The following SFT2D2 variants were observed in gnomAD, a reference collection of about 807,000 sequenced individuals.
The protein encoded by SFT2D2 is vesicle transport protein SFT2B.
In SFT2D2, 21 loss-of-function variants were observed where a neutral mutation model predicts 27.4. That is an observed-to-expected ratio of 0.77 (90% confidence interval 0.54 to 1.10). The LOEUF (loss-of-function observed/expected upper bound fraction) is 1.10, where lower values mean the gene tolerates loss of function less well. SFT2D2 is among the 50% of genes least tolerant of loss of function. SFT2D2 has a pLI of 0.00. For missense variants in SFT2D2, 187 were observed against 194.2 expected, an observed-to-expected ratio of 0.96 and a Z score of 0.22; for synonymous variants, 72 against 71.7, an observed-to-expected ratio of 1.00 and a Z score of -0.02.
At position 168,235,086 on chromosome 1, in the gene SFT2D2, G is replaced by A; in HGVS notation, c.237-15G>A. 1 of 1,613,600 alleles carries A rather than the reference G, an allele frequency of 6.2e-7. No homozygotes were observed. The highest frequency in any genetic ancestry group is 1.1e-5 in the South Asian group (1 of 91,076). On this transcript the variant is annotated splice_polypyrimidine_tract_variant and intron_variant, in intron 3 of 7. Transcript: ENST00000271375. The stretch of plus-strand genomic sequence containing the variant: ...TCTGTTCTGAACGGCTTGTGTGCGT[G>A]TGTTTGCCTTTTAGTACCATCTTCC...
At chr1:168,238,521 A>G (rs968435986) in intron 6 of SFT2D2, among the ~76,000 whole-genome samples, 1 of 151,840 alleles carries the variant, frequency 6.6e-6, no homozygotes, top group Non-Finnish European at 1.5e-5. Context: ...ACAAAAAAAA[A>G]CATTAAAAAA....
intron 4 of SFT2D2, among the ~76,000 whole-genome samples, chr1:168,235,407 A>C (rs1462809092): frequency 1.3e-5 from 2 of 152,158 alleles, no homozygotes; most frequent in East Asian, 3.9e-4. Flanking sequence ...ACCAGTTCTG[A>C]AAAGCACCTC....
chr1:168,238,515 A>AC (rs1318835357), intron 6 of SFT2D2, among the ~76,000 whole-genome samples: 1 of 151,838 alleles, frequency 6.6e-6, no homozygotes, highest in African/African-American at 2.4e-5. Flanking sequence ...AAACAAACAA[A>AC]AAAAAACATT....
At position 168,252,759 on chromosome 1, in the gene SFT2D2, A is replaced by G. The variant is rs1035839878; in HGVS notation, c.*10219A>G. On this transcript the variant is annotated 3_prime_UTR_variant, in exon 8 of 8. Transcript: ENST00000271375. ...AGCTTTTAAAATACGTTGTTAAAAC[A>G]TGAATCCATTTTTGTAATTGTATAA... 1.3e-5 allele frequency: 2 copies of G among 152,236 alleles called. No homozygotes were observed. The highest frequency in any genetic ancestry group is 2.4e-5 in the African/African-American group (1 of 41,468). The allele number at this position is 152,236 out of a possible 1,614,324, so 9.4% of individuals were successfully genotyped here.
chr1:168,226,754 A>G (rs1215288208), intron 1 of SFT2D2, among the ~76,000 whole-genome samples: 2 of 152,070 alleles, frequency 1.3e-5, no homozygotes, highest in Non-Finnish European at 2.9e-5. Context: ...ACTGCCCACA[A>G]CTAGTCTCTA....
intron 7 of SFT2D2, 151 bp downstream of exon 7, chr1:168,239,311 A>G (rs1647585150): frequency 1.6e-6 from 1 of 611,236 alleles, no homozygotes; most frequent in Non-Finnish European, 2.9e-6. Context: ...AGTAAGTTAA[A>G]GGTCACCCCA....
At chr1:168,233,447 C>T (rs1252993935) in intron 3 of SFT2D2, among the ~76,000 whole-genome samples, 1 of 152,154 alleles carries the variant, frequency 6.6e-6, no homozygotes, top group Non-Finnish European at 1.5e-5. Context: ...AAGGGCTGCA[C>T]GTGTATCTTG....
chr1:168,240,334 A>G (rs933499358), intron 7 of SFT2D2, among the ~76,000 whole-genome samples: 5 of 152,106 alleles, frequency 3.3e-5, no homozygotes, highest in African/African-American at 9.7e-5. Context: ...AAGCCTTTCA[A>G]GTGAAAGGCA....
intron 6 of SFT2D2, among the ~76,000 whole-genome samples, chr1:168,238,697 C>CAA (rs3215449): frequency 1.4e-5 from 2 of 140,628 alleles, no homozygotes; most frequent in Admixed American, 7.2e-5. Context: ...GACCCTGTCT[C>CAA]AAAAAAAAAA....
At chr1:168,228,371 AG>A (rs1436542999) in intron 1 of SFT2D2, among the ~76,000 whole-genome samples, 1 of 152,204 alleles carries the variant, frequency 6.6e-6, no homozygotes, top group Non-Finnish European at 1.5e-5. Context: ...GGTCACTAGA[AG>A]AGAGTGCTTT....
chr1:168,234,507 A>G (rs867946847), intron 3 of SFT2D2, among the ~76,000 whole-genome samples: 8 of 152,342 alleles, frequency 5.3e-5, no homozygotes, highest in Middle Eastern at 6.8e-3. Flanking sequence ...CGTCTCTAAA[A>G]TAAGTGTAAT....
intron 6 of SFT2D2, among the ~76,000 whole-genome samples, chr1:168,237,192 G>A (rs1647526890): frequency 6.6e-6 from 1 of 152,222 alleles, no homozygotes; most frequent in Admixed American, 6.5e-5. Flanking sequence ...TTACATTTGT[G>A]ATAGAATGAA....
At chr1:168,237,058 A>G (rs1187448400) in intron 6 of SFT2D2, among the ~76,000 whole-genome samples, 1 of 152,228 alleles carries the variant, frequency 6.6e-6, no homozygotes, top group Non-Finnish European at 1.5e-5. Context: ...TGTTACAAAT[A>G]TTATTAAGCC....
intron 1 of SFT2D2, among the ~76,000 whole-genome samples, chr1:168,228,441 A>G (rs992821705): frequency 6.6e-6 from 1 of 152,148 alleles, no homozygotes; most frequent in Middle Eastern, 3.4e-3. Flanking sequence ...TATTTCTCCT[A>G]CCTCTCCTAG....
Position 168,250,706 on chromosome 1 carries a change from T to C in SFT2D2, c.*8166T>C, listed in dbSNP as rs1454078556. The C allele has an allele frequency of 6.6e-6, 1 of 151,636 alleles. No homozygotes were observed. The highest frequency in any genetic ancestry group is 1.5e-5 in the Non-Finnish European group (1 of 68,098). 9.4% of individuals were successfully genotyped at this position (151,636 alleles called of 1,614,324 possible). A position where few individuals can be genotyped will look rare whatever the true frequency, so the allele number is the denominator to read the frequency against. On this transcript the variant is annotated 3_prime_UTR_variant, in exon 8 of 8. Coordinates refer to ENST00000271375, the MANE Select transcript of SFT2D2 (RefSeq NM_199344.3). The stretch of plus-strand genomic sequence containing the variant: ...TTGGGCGTGCTGTGTACTAACTCAC[T>C]CCCGTCTCTTGTCTCATTATCTGAA...
rs1293448240 is a variant in SFT2D2, at chr1:168,226,063, G to T, written c.-17G>T. On this transcript the variant is annotated 5_prime_UTR_variant, in exon 1 of 8. Transcript: ENST00000271375. Reference sequence around the variant, plus strand: ...GGCTGCCGCTGAGGAGCTGGAGCTGGTGGGGACTGGGCCGCAATGGACAAG... The same window carrying T: ...GGCTGCCGCTGAGGAGCTGGAGCTGTTGGGGACTGGGCCGCAATGGACAAG... 1 of 1,519,476 alleles carries T rather than the reference G, an allele frequency of 6.6e-7. No homozygotes were observed. The highest frequency in any genetic ancestry group is 8.8e-7 in the Non-Finnish European group (1 of 1,131,942). The allele number at this position is 1,519,476 out of a possible 1,614,324, so 94.1% of individuals were successfully genotyped here. A position where few individuals can be genotyped will look rare whatever the true frequency, so the allele number is the denominator to read the frequency against.
At chr1:168,226,395 G>C (rs564336805) in intron 1 of SFT2D2, among the ~76,000 whole-genome samples, 2 of 152,252 alleles carry the variant, frequency 1.3e-5, no homozygotes, top group African/African-American at 4.8e-5. Context: ...GGAAATCCCC[G>C]GACTGAGCTG....
chr1:168,235,803 C>A (rs1294480901), intron 4 of SFT2D2, among the ~76,000 whole-genome samples: 4 of 152,172 alleles, frequency 2.6e-5, no homozygotes, highest in Non-Finnish European at 5.9e-5. Context: ...GACCTACATT[C>A]TCTGGACTTT....
intron 1 of SFT2D2, among the ~76,000 whole-genome samples, chr1:168,230,559 C>G (rs555682992): frequency 3.3e-5 from 5 of 152,084 alleles, no homozygotes; most frequent in Non-Finnish European, 7.4e-5. Flanking sequence ...CTGCAACCTC[C>G]ACCTCCCAGG....
Sources: allele counts gnomAD v4.1 joint callset (sites outside exome capture counted in the v4.1 genomes callset), GRCh38; gene constraint gnomAD v4.1.1; transcripts MANE v1.5; gene names NCBI Gene and HGNC (gene_info 2026-07-23, HGNC 2026-07-21).